MIA2: variants seen among roughly 807,000 people sequenced by gnomAD.
The protein encoded by MIA2 is MIA SH3 domain ER export factor 2, also known as melanoma inhibitory activity protein 2.
In MIA2, 127 loss-of-function variants were observed where a neutral mutation model predicts 167.8. That is an observed-to-expected ratio of 0.76 (90% CI 0.66 to 0.88). The LOEUF is 0.88. Ranked by LOEUF, MIA2 falls within the 40% of genes least tolerant of loss-of-function variation. The pLI is 0.00. For synonymous variants in MIA2, 552 were observed against 541.9 expected (o/e 1.02, Z -0.26); for missense variants, 1,690 against 1,624.7 (o/e 1.04, Z -0.69).
At chr14:39,298,050 C>T (rs1595255020) in intron 13 of MIA2, among the ~76,000 whole-genome samples, 1 of 150,606 alleles carries the variant, frequency 6.6e-6, no homozygotes, top group African/African-American at 2.4e-5. Context: ...TGGGTTTATG[C>T]CTTTGAAAAA....
At chr14:39,272,189 A>G (rs1012478309) in intron 6 of MIA2, among the ~76,000 whole-genome samples, 2 of 152,058 alleles carry the variant, frequency 1.3e-5, no homozygotes, top group African/African-American at 4.8e-5. Flanking sequence ...CTTCTCTACT[A>G]AAGATACAAA....
At chr14:39,299,301 A>ATTTTTTTT (rs1555376456) in intron 13 of MIA2, among the ~76,000 whole-genome samples, 3 of 58,534 alleles carry the variant, frequency 5.1e-5, no homozygotes, top group Non-Finnish European at 7.4e-5. Context: ...GATTAATGGT[A>ATTTTTTTT]TTTCTTTTTT....
At chr14:39,330,289 G>A (rs764001410) in intron 25 of MIA2, among the ~76,000 whole-genome samples, 20 of 152,148 alleles carry the variant, frequency 1.3e-4, no homozygotes, top group African/African-American at 1.9e-4. Flanking sequence ...ATGGTAGTTT[G>A]TATTTCTGTG....
At chr14:39,277,399 G>C (rs920043809) in intron 7 of MIA2, among the ~76,000 whole-genome samples, 1 of 151,546 alleles carries the variant, frequency 6.6e-6, no homozygotes, top group Non-Finnish European at 1.5e-5. Flanking sequence ...GAGGACACCC[G>C]TCTGTGGTCC....
At position 39,314,750 on chromosome 14, in the gene MIA2, A is replaced by G. The variant is rs534901644; in HGVS notation, c.3131A>G (p.Lys1044Arg). The change falls in exon 20 of 29, where the codon AAA becomes AGA. Residue 1044 changes from lysine (K) to arginine (R), a missense_variant. By Grantham distance (26) the Lys-to-Arg change is conservative. Transcript: ENST00000640607. ...TTCGTTCCATTTAGAAAGCGAGCCAAAGATCTTGAAGAAGAATTGGAGAGA... is the reference window on the plus strand; with the variant it reads ...TTCGTTCCATTTAGAAAGCGAGCCAGAGATCTTGAAGAAGAATTGGAGAGA... ...EELETYRKRA[K>R]DLEEELERTI... is the part of the protein sequence containing the mutation. 2 of 1,608,340 alleles carry G rather than the reference A, an allele frequency of 1.2e-6. No individual in the cohort carries two copies. The highest frequency in any genetic ancestry group is 1.7e-6 in the Non-Finnish European group (2 of 1,176,924).
At chr14:39,367,617 G>A (rs1310730411) in intron 23 of MIA2, among the ~76,000 whole-genome samples, 1 of 152,212 alleles carries the variant, frequency 6.6e-6, no homozygotes, top group African/African-American at 2.4e-5. Flanking sequence ...AGCTGAGCTG[G>A]CTGCCAGACT....
intron 23 of MIA2, among the ~76,000 whole-genome samples, chr14:39,373,369 T>A (rs549109646): frequency 6.1e-5 from 9 of 147,886 alleles, no homozygotes; most frequent in Non-Finnish European, 1.2e-4. Context: ...TCTGGAAAAT[T>A]AGCAACCTAC....
chr14:39,357,005 G>A (rs1428632317), intron 23 of MIA2, among the ~76,000 whole-genome samples: 1 of 152,116 alleles, frequency 6.6e-6, no homozygotes, highest in African/African-American at 2.4e-5. Flanking sequence ...GTGTGGTGTG[G>A]TGCTGAGAAG....
intron 6 of MIA2, chr14:39,266,883 G>T: frequency 1.4e-6 from 1 of 718,192 alleles, no homozygotes; most frequent in Non-Finnish European, 1.7e-6. Flanking sequence ...GAGAAGTCTC[G>T]CCGCCGCCGC....
chr14:39,321,651 C>G (rs1441211844), intron 24 of MIA2, among the ~76,000 whole-genome samples: 1 of 151,798 alleles, frequency 6.6e-6, no homozygotes, highest in Non-Finnish European at 1.5e-5. Flanking sequence ...TTTTTGACTT[C>G]TTAAAAACTA....
chr14:39,338,394 C>T (rs1266396000), intron 25 of MIA2, among the ~76,000 whole-genome samples: 2 of 152,122 alleles, frequency 1.3e-5, no homozygotes, highest in African/African-American at 2.4e-5. Flanking sequence ...ATATCATACA[C>T]ATACAGGGAA....
Position 39,269,563 on chromosome 14 carries a change from A to AG in MIA2, c.1888-7365dup, listed in dbSNP as rs574934314. On this transcript the variant is annotated intron_variant, in intron 6 of 28. Transcript: ENST00000640607. ...AGACAGGGTCTCATCCCTGTCACCC[A>AG]GGGGGGAGTGCAGTGGCTTGATCTC... Among the ~76,000 whole-genome samples the AG allele has an allele frequency of 6.4e-4, 95 of 148,454 alleles. 1 individual carries two copies. In the East Asian group the frequency reaches 0.018, roughly 28 times the overall value.
Position 39,247,383 on chromosome 14 carries a change from G to C in MIA2, c.809G>C (p.Gly270Ala). The C allele has an allele frequency of 6.2e-7, 1 of 1,614,046 alleles. No homozygotes were observed. The highest frequency in any genetic ancestry group is 8.5e-7 in the Non-Finnish European group (1 of 1,180,006). The change falls in exon 4 of 29, where the codon GGT becomes GCT. Residue 270 changes from glycine to alanine, a missense_variant. Transcript: ENST00000640607. Reference sequence around the variant, plus strand: ...AATGACCTAGAGGAATTAAATAATGGTGAGCCTCAAACAGAACATCAGCAA... The same window carrying C: ...AATGACCTAGAGGAATTAAATAATGCTGAGCCTCAAACAGAACATCAGCAA... ...DENDLEELNN[G>A]EPQTEHQQES...
chr14:39,300,804 C>T (rs2062276899), intron 14 of MIA2, among the ~76,000 whole-genome samples: 1 of 151,074 alleles, frequency 6.6e-6, no homozygotes, highest in Non-Finnish European at 1.5e-5. Context: ...TATCCCAGAA[C>T]TTAAAATATA....
At chr14:39,350,954 T>G (rs966283997), downstream of MIA2, 4 of 91,066 alleles carry the variant, frequency 4.4e-5, no homozygotes, top group African/African-American at 2.9e-4. Context: ...CACGGTTTCT[T>G]TATTGCTTTT....
At chr14:39,339,028 A>C (rs974563099) in intron 25 of MIA2, among the ~76,000 whole-genome samples, 1 of 152,188 alleles carries the variant, frequency 6.6e-6, no homozygotes, top group Admixed American at 6.5e-5. Flanking sequence ...TGGAGGTTGC[A>C]GGGAGGAGGA....
intron 18 of MIA2, among the ~76,000 whole-genome samples, chr14:39,311,462 GTTGCTTTTTTTTTTTTTT>G: frequency 9.1e-6 from 1 of 110,088 alleles, no homozygotes; most frequent in East Asian, 3.1e-4. Context: ...AGCTTGATGT[GTTGCTTTTTTTTTTTTTT>G]TTTTTTTTTT....
intron 1 of MIA2, among the ~76,000 whole-genome samples, chr14:39,235,450 A>G (rs980052784): frequency 3.3e-5 from 5 of 152,160 alleles, no homozygotes; most frequent in Non-Finnish European, 7.3e-5. Flanking sequence ...ATATAATGTA[A>G]TATATAGAGA....
intron 2 of MIA2, among the ~76,000 whole-genome samples, chr14:39,238,811 A>AAAAAAAAAAAACAAAAAC: frequency 9.7e-6 from 1 of 103,608 alleles, no homozygotes; most frequent in African/African-American, 3.9e-5. Flanking sequence ...AAAAAAAAAA[A>AAAAAAAAAAAACAAAAAC]CCCAAAAAAC....
Sources: gnomAD v4.1 joint callset for allele counts (sites outside exome capture counted in the v4.1 genomes callset) on GRCh38, gnomAD v4.1.1 for gene constraint, MANE v1.5 for transcripts, NCBI Gene and HGNC (gene_info 2026-07-23, HGNC 2026-07-21) for gene names.